FOXJ2: variants seen among roughly 807,000 people sequenced by gnomAD.
FOXJ2 encodes the protein forkhead box protein J2.
A neutral mutation model predicts 68.4 loss-of-function variants in FOXJ2; 18 were observed. The ratio of observed to expected loss-of-function variants is 0.26; its 90% CI spans 0.18 to 0.39. The LOEUF (loss-of-function observed/expected upper bound fraction) is 0.39, where lower values mean the gene tolerates loss of function less well. Among genes scored for constraint, FOXJ2 ranks in the 10% least tolerant of loss-of-function variants. FOXJ2 has a pLI of 1.00. For missense variants in FOXJ2, 670 were observed against 726.5 expected (o/e 0.92, Z 0.89); for synonymous variants, 274 against 263.2 (o/e 1.04, Z -0.40).
chr12:8,051,841 C>A (rs1022624862), intron 10 of FOXJ2, among the ~76,000 whole-genome samples: 1 of 152,146 alleles, frequency 6.6e-6, no homozygotes, highest in Non-Finnish European at 1.5e-5. Context: ...GATTTCTATA[C>A]TGCTATTTCA....
At position 8,043,930 on chromosome 12, in the gene FOXJ2, CT is replaced by C. The variant is rs758059604; in HGVS notation, c.478-13del. On this transcript the variant is annotated intron_variant, in intron 4 of 10. Transcript: ENST00000162391. Reference sequence around the variant, plus strand: ...ATATTGCGCCTCTGCTTATAGATTTCTTTTTTTTCACAACCCTCAGCTGTCC... The same window carrying C: ...ATATTGCGCCTCTGCTTATAGATTTCTTTTTTTCACAACCCTCAGCTGTCC... 9.0e-6 allele frequency: 14 copies of C among 1,547,360 alleles called. 1 individual carries two copies. In the Middle Eastern group the frequency reaches 6.9e-4, roughly 77 times the overall value.
chr12:8,040,003 C>A lies in FOXJ2; in HGVS notation c.171C>A (p.Asp57Glu), dbSNP rs376535944. 48 of 1,614,006 alleles carry A rather than the reference C, an allele frequency of 3.0e-5. No homozygotes were observed. The Middle Eastern group carries it at 1.5e-3, about 50-fold the overall frequency. Reference protein sequence around the residue: ...PTDPNATLSKDEAAVHQDGKP... With the variant: ...PTDPNATLSKEEAAVHQDGKP... Reference sequence around the variant, plus strand: ...ATCCTAATGCCACCCTGAGCAAAGACGAGGCAGCAGTGCACCAGGACGGCA... The same window carrying A: ...ATCCTAATGCCACCCTGAGCAAAGAAGAGGCAGCAGTGCACCAGGACGGCA... The change falls in exon 2 of 11, where the codon GAC becomes GAA. Residue 57 changes from aspartate (D) to glutamate (E), a missense_variant. Physicochemically the swap from Asp to Glu is conservative, Grantham distance 45. Transcript: ENST00000162391. The surrounding 1 kb of genome is among the most constrained non-coding windows in gnomAD (Gnocchi z 4.0).
chr12:8,046,205 C>T (rs1947034929), intron 6 of FOXJ2, among the ~76,000 whole-genome samples: 1 of 152,158 alleles, frequency 6.6e-6, no homozygotes, highest in Non-Finnish European at 1.5e-5. Context: ...GCAGCAGTAC[C>T]CTCTCCTGAA....
chr12:8,048,563 G>C (rs1016722278), intron 7 of FOXJ2, 134 bp from the exon 8 acceptor site: 2 of 1,138,162 alleles, frequency 1.8e-6, no homozygotes, highest in Non-Finnish European at 2.5e-6. Context: ...CAGGGAGGGA[G>C]AGTCCAAAAC....
intron 6 of FOXJ2, among the ~76,000 whole-genome samples, chr12:8,046,980 T>C (rs1339223082): frequency 2.0e-5 from 3 of 152,208 alleles, no homozygotes; most frequent in South Asian, 4.1e-4. Flanking sequence ...AAAAATTAGA[T>C]TGGGTGAGGA....
chr12:8,050,442 T>C, intron 9 of FOXJ2, 80 bp from the exon 10 acceptor site: 1 of 1,546,958 alleles, frequency 6.5e-7, no homozygotes, highest in South Asian at 1.2e-5. Context: ...GGAGCAAGGG[T>C]ATATTTTTTT....
intron 7 of FOXJ2, 81 bp downstream of exon 7, chr12:8,048,370 G>A: frequency 3.3e-6 from 5 of 1,496,832 alleles, no homozygotes; most frequent in Middle Eastern, 1.8e-4. Context: ...GGTGCAGTTA[G>A]TTAGGAAGTT....
intron 1 of FOXJ2, among the ~76,000 whole-genome samples, chr12:8,036,697 C>T (rs969810196): frequency 6.6e-6 from 1 of 152,228 alleles, no homozygotes; most frequent in Admixed American, 6.5e-5. Flanking sequence ...GTGGCAGCCA[C>T]CAGCTCATTA....
At chr12:8,047,777 A>T (rs1947057645) in intron 6 of FOXJ2, 105 bp from the exon 7 acceptor site, 2 of 1,406,572 alleles carry the variant, frequency 1.4e-6, no homozygotes, top group Non-Finnish European at 1.9e-6. Flanking sequence ...TACCCTTTTA[A>T]CTCCACAGTT....
rs763313988 is a variant in FOXJ2 at position 8,038,940 on chromosome 12, C to T, written c.-14-879C>T. Among the ~76,000 whole-genome samples the T allele has an allele frequency of 7.2e-5, 11 of 152,098 alleles. No homozygotes were observed. The highest frequency in any genetic ancestry group is 1.3e-4 in the Non-Finnish European group (9 of 68,004). The stretch of plus-strand genomic sequence containing the variant: ...TTTAGCCAGGCTATCTGATTGTTAC[C>T]GGTAGGCACACAGCTGGGTGTCTCC... On this transcript the variant is annotated intron_variant, in intron 1 of 10. Coordinates refer to ENST00000162391, the MANE Select transcript of FOXJ2 (RefSeq NM_018416.3). This position sits in a 1 kb window ranked among gnomAD's most constrained non-coding sequence, Gnocchi z 5.3.
At chr12:8,050,670 T>C in intron 10 of FOXJ2, 50 bp downstream of exon 10, 2 of 1,599,704 alleles carry the variant, frequency 1.3e-6, no homozygotes, top group Middle Eastern at 1.7e-4. Flanking sequence ...GATGAGTTGC[T>C]TTGCTTTCCT....
chr12:8,049,994 G>T, intron 9 of FOXJ2: 1 of 205,872 alleles, frequency 4.9e-6, no homozygotes, highest in Non-Finnish European at 9.7e-6. Context: ...TTTGAGATGG[G>T]GTCTCGCTCT....
At position 8,052,854 on chromosome 12, in the gene FOXJ2, A is replaced by G. The variant is rs200457871; in HGVS notation, c.*4A>G. On this transcript the variant is annotated 3_prime_UTR_variant, in exon 11 of 11. Transcript: ENST00000162391. Reference sequence around the variant, plus strand: ...CGACTGGGACTTGATCACTTAGTGCATCACAGAGTGTGGACATCAGCCCAG... The same window carrying G: ...CGACTGGGACTTGATCACTTAGTGCGTCACAGAGTGTGGACATCAGCCCAG... The G allele has an allele frequency of 6.2e-7, 1 of 1,601,202 alleles. No individual in the cohort carries two copies.
chr12:8,044,168 T>C (rs1947004497), intron 5 of FOXJ2, 77 bp downstream of exon 5: 2 of 1,411,672 alleles, frequency 1.4e-6, no homozygotes, highest in African/African-American at 1.4e-5. Flanking sequence ...TTCAGAATTA[T>C]GTATTGAGTA....
rs1456972769 is a variant in FOXJ2, at chr12:8,052,773, G to T, written c.1648G>T (p.Val550Phe). Residue 550 changes from valine (V) to phenylalanine (F), a missense_variant, in exon 11 of 11, where the codon GTC becomes TTC. By Grantham distance (50) the Val-to-Phe change is conservative. Transcript: ENST00000162391. ...AGYNRPAHHM[V>F]PRPSVPPPGA... ...TTTCTTTCTAACAGCACACCATATG[G>T]TCCCTCGGCCATCAGTGCCACCTCC... The T allele has an allele frequency of 3.1e-6, 5 of 1,609,294 alleles. No homozygotes were observed. Among genetic ancestry groups the T allele is most frequent in the Non-Finnish European group, 4.2e-6 (5 of 1,177,712 alleles).
chr12:8,033,796 G>A lies in FOXJ2; in HGVS notation c.-52G>A, dbSNP rs1946865534. On this transcript the variant is annotated 5_prime_UTR_variant, in exon 1 of 11. The change creates a new upstream start codon in the 5' untranslated region. Transcript: ENST00000162391. ...CTCCAACCCCAAACTCCAGTACCAG[G>A]TGGTTCCCTCCCTTTGCCGGAGGAA... 6.5e-6 allele frequency: 1 copy of A among 152,748 alleles called. No homozygotes were observed. The highest frequency in any genetic ancestry group is 2.1e-4 in the South Asian group (1 of 4,826). The allele number at this position is 152,748 out of a possible 1,614,324, so 9.5% of individuals were successfully genotyped here. A position where few individuals can be genotyped will look rare whatever the true frequency, so the allele number is the denominator to read the frequency against.
In FOXJ2 at chr12:8,049,400, T is replaced by C; in HGVS notation, c.1366T>C (p.Trp456Arg). The change falls in exon 9 of 11, where the codon TGG becomes CGG. Residue 456 changes from tryptophan (W) to arginine (R), a missense_variant. Around this residue, in one of 2 missense-constraint regions of FOXJ2, gnomAD observed 555 missense variants for 562.2 expected, o/e 0.99. Transcript: ENST00000162391. ...TCTACGACAGGCAGAGCAGAAGAAC[T>C]GGACCCTCGACCAGCATCACATTGC... is the stretch of plus-strand genomic sequence containing the variant. ...ESLRQAEQKN[W>R]TLDQHHIANL... 6.2e-7 allele frequency: 1 copy of C among 1,614,018 alleles called. No individual in the cohort carries two copies. Among genetic ancestry groups the C allele is most frequent in the Non-Finnish European group, 8.5e-7 (1 of 1,179,986 alleles).
chr12:8,050,565 C>A lies in FOXJ2; in HGVS notation c.1581C>A (p.Gly527=). 6.2e-7 allele frequency: 1 copy of A among 1,613,964 alleles called. No homozygotes were observed. Among genetic ancestry groups the A allele is most frequent in the South Asian group, 1.1e-5 (1 of 91,050 alleles). ...GHPQAPHLYP[G]PSPMYPIPTQ... ...CACAAGCTCCCCACCTCTACCCTGG[C>A]CCATCACCAATGTACCCAATCCCCA... Residue 527 remains glycine, a synonymous_variant, in exon 10 of 11, where the codon GGC becomes GGA. Transcript: ENST00000162391.
chr12:8,049,539 C>T lies in FOXJ2; in HGVS notation c.1505C>T (p.Thr502Ile). Residue 502 changes from threonine to isoleucine, a missense_variant, in exon 9 of 11, where the codon ACC becomes ATC. By Grantham distance (89) the Thr-to-Ile change is moderately conservative. Around this residue, in one of 2 missense-constraint regions of FOXJ2, gnomAD observed 555 missense variants for 562.2 expected, o/e 0.99. Coordinates refer to ENST00000162391, the MANE Select transcript of FOXJ2 (RefSeq NM_018416.3). ...CGTATTGCTGACTCCTGTGCCCTCA[C>T]CAGTGGCAAACAGGAGTCAGCCATG... ...PARIADSCAL[T>I]SGKQESAMSQ... The T allele has an allele frequency of 1.2e-6, 2 of 1,609,362 alleles. No individual in the cohort carries two copies. Among genetic ancestry groups the T allele is most frequent in the Non-Finnish European group, 1.7e-6 (2 of 1,176,330 alleles).
Sources: gnomAD v4.1 joint callset for allele counts (sites outside exome capture counted in the v4.1 genomes callset) on GRCh38, gnomAD v4.1.1 for gene constraint, gnomAD v4.1.1 regional missense constraint, Gnocchi (gnomAD v3.1) non-coding constraint, MANE v1.5 for transcripts, NCBI Gene and HGNC (gene_info 2026-07-23, HGNC 2026-07-21) for gene names.